The following KCNIP4 variants were observed in gnomAD, a reference collection of about 807,000 sequenced individuals.
KCNIP4 encodes the protein potassium voltage-gated channel interacting protein 4, also known as Kv channel-interacting protein 4.
A neutral mutation model predicts 34.0 loss-of-function variants in KCNIP4; 12 were observed. The ratio of observed to expected loss-of-function variants is 0.35; its 90% CI spans 0.23 to 0.57. KCNIP4 has a LOEUF of 0.57. Ranked by LOEUF, KCNIP4 falls within the 20% of genes least tolerant of loss-of-function variation. The probability of loss-of-function intolerance (pLI) is 0.83; values close to 1 mark genes in which losing one functional copy is unlikely to be tolerated. For synonymous variants in KCNIP4, 124 were observed against 102.2 expected, an observed-to-expected ratio of 1.21 and a Z score of -1.29; for missense variants, 238 against 311.7, an observed-to-expected ratio of 0.76 and a Z score of 1.78.
chr4:21,680,488 T>C (rs1750262614), intron 1 of KCNIP4, among the ~76,000 whole-genome samples: 1 of 152,224 alleles, frequency 6.6e-6, no homozygotes, highest in Non-Finnish European at 1.5e-5. Flanking sequence ...TGAATGTTCT[T>C]AATGGCATCT....
At chr4:21,082,871 C>CTATCTATCTATT (rs1746119697) in intron 1 of KCNIP4, among the ~76,000 whole-genome samples, 2 of 144,364 alleles carry the variant, frequency 1.4e-5, no homozygotes, top group Non-Finnish European at 3.0e-5. Context: ...GTTATTCTAT[C>CTATCTATCTATT]TATCTATCTA....
At chr4:21,046,716 C>A (rs1456686271) in intron 1 of KCNIP4, among the ~76,000 whole-genome samples, 1 of 152,070 alleles carries the variant, frequency 6.6e-6, no homozygotes, top group Non-Finnish European at 1.5e-5. Flanking sequence ...CTTGGCCCTG[C>A]AAGTAGCTGG....
chr4:21,373,056 G>A (rs1720634642), intron 1 of KCNIP4, among the ~76,000 whole-genome samples: 1 of 100,532 alleles, frequency 9.9e-6, no homozygotes, highest in Non-Finnish European at 1.9e-5. Context: ...TTAATGGATT[G>A]GATAAAATGG....
chr4:21,881,400 C>G (rs1184920423), intron 1 of KCNIP4, among the ~76,000 whole-genome samples: 1 of 151,940 alleles, frequency 6.6e-6, no homozygotes, highest in Non-Finnish European at 1.5e-5. Context: ...AAAAATAGTA[C>G]CCTAGGATAA....
At chr4:21,014,884 A>C (rs1739365292) in intron 1 of KCNIP4, among the ~76,000 whole-genome samples, 1 of 152,214 alleles carries the variant, frequency 6.6e-6, no homozygotes, top group Non-Finnish European at 1.5e-5. Flanking sequence ...GGATGAAGGG[A>C]TAAACAAAAT....
intron 1 of KCNIP4, among the ~76,000 whole-genome samples, chr4:21,119,798 A>G (rs910342657): frequency 6.6e-6 from 1 of 152,130 alleles, no homozygotes; most frequent in African/African-American, 2.4e-5. Context: ...TAGAAGTTAG[A>G]AACTGAGAGG....
intron 1 of KCNIP4, among the ~76,000 whole-genome samples, chr4:21,769,021 A>G (rs1718607203): frequency 6.6e-6 from 1 of 152,096 alleles, no homozygotes; most frequent in African/African-American, 2.4e-5. Flanking sequence ...TATATGAAAT[A>G]TTACTAGAAA....
chr4:21,303,833 A>C, intron 1 of KCNIP4: 10 of 1,614,004 alleles, frequency 6.2e-6, no homozygotes, highest in Non-Finnish European at 8.5e-6. Context: ...AATCAGCCCA[A>C]ACTGTTCCAA....
intron 1 of KCNIP4, among the ~76,000 whole-genome samples, chr4:21,924,395 C>G (rs1225074787): frequency 6.6e-6 from 1 of 151,848 alleles, no homozygotes; most frequent in Non-Finnish European, 1.5e-5. Context: ...AGGTGCCCAC[C>G]ACCACACCTG....
At chr4:21,342,772 C>T (rs147131525) in intron 1 of KCNIP4, among the ~76,000 whole-genome samples, 1 of 152,222 alleles carries the variant, frequency 6.6e-6, no homozygotes, top group East Asian at 1.9e-4. Context: ...AATCCTGCCA[C>T]TTACGTATAT....
At chr4:21,541,424 G>A (rs964436257) in intron 1 of KCNIP4, among the ~76,000 whole-genome samples, 1 of 151,922 alleles carries the variant, frequency 6.6e-6, no homozygotes, top group African/African-American at 2.4e-5. Flanking sequence ...TCTTAAACTT[G>A]AGCCAGGCAG....
chr4:21,613,196 G>A (rs557585676), intron 1 of KCNIP4: 3 of 152,270 alleles, frequency 2.0e-5, no homozygotes, highest in African/African-American at 4.8e-5. Flanking sequence ...CCATGCCCTT[G>A]GACAGCCTAC....
At position 20,998,406 on chromosome 4, in the gene KCNIP4, G is replaced by A. The variant is rs11930017; in HGVS notation, c.62-115697C>T. Among the ~76,000 whole-genome samples the A allele has an allele frequency of 8.0e-3, 1,211 of 152,186 alleles. 16 individuals are homozygous for A. The highest frequency in any genetic ancestry group is 0.028 in the African/African-American group (1,143 of 41,522). On this transcript the variant is annotated intron_variant, in intron 1 of 8. Coordinates refer to ENST00000382152, the MANE Select transcript of KCNIP4 (RefSeq NM_025221.6). Reference sequence around the variant, plus strand: ...CATGTCCAGAGGACTGAAGGGCAGGGGTGGAATATAAAAGATAATAGTTAA... The same window carrying A: ...CATGTCCAGAGGACTGAAGGGCAGGAGTGGAATATAAAAGATAATAGTTAA...
chr4:21,346,203 ATAT>A (rs1560311459), intron 1 of KCNIP4, among the ~76,000 whole-genome samples: 3 of 71,388 alleles, frequency 4.2e-5, no homozygotes, highest in Non-Finnish European at 8.7e-5. Context: ...AGAATTATAT[ATAT>A]AATATATATT....
At chr4:20,974,054 T>C (rs1451050119) in intron 1 of KCNIP4, among the ~76,000 whole-genome samples, 1 of 152,100 alleles carries the variant, frequency 6.6e-6, no homozygotes, top group Non-Finnish European at 1.5e-5. Flanking sequence ...GTTGGAAAAA[T>C]GGCACCAAAA....
At chr4:21,175,255 A>G (rs926532005) in intron 1 of KCNIP4, among the ~76,000 whole-genome samples, 4 of 152,114 alleles carry the variant, frequency 2.6e-5, no homozygotes, top group East Asian at 1.9e-4. Flanking sequence ...CTATCTTCCT[A>G]TCTTTGGGAG....
intron 1 of KCNIP4, among the ~76,000 whole-genome samples, chr4:21,496,891 GC>G (rs1732894207): frequency 6.6e-6 from 1 of 152,058 alleles, no homozygotes; most frequent in African/African-American, 2.4e-5. Context: ...AACCATCCCC[GC>G]CCTGCTCTGT....
chr4:21,129,939 C>T (rs1051099360), intron 1 of KCNIP4, among the ~76,000 whole-genome samples: 13 of 151,776 alleles, frequency 8.6e-5, no homozygotes, highest in Middle Eastern at 3.2e-3. Context: ...ATCACTGACT[C>T]AAAGACTTCT....
chr4:21,792,757 T>C (rs1720379557), intron 1 of KCNIP4, among the ~76,000 whole-genome samples: 1 of 152,216 alleles, frequency 6.6e-6, no homozygotes, highest in Non-Finnish European at 1.5e-5. Context: ...TAACCACCTC[T>C]CTAACTTTAT....
Sources: gnomAD v4.1 joint callset for allele counts (sites outside exome capture counted in the v4.1 genomes callset) on GRCh38, gnomAD v4.1.1 for gene constraint, MANE v1.5 for transcripts, NCBI Gene and HGNC (gene_info 2026-07-23, HGNC 2026-07-21) for gene names.